Variants in FAF1 observed in about 807,000 individuals in gnomAD.
The protein encoded by FAF1 is FAS-associated factor 1.
A neutral mutation model predicts 92.5 loss-of-function variants in FAF1; 25 were observed. That is an observed-to-expected ratio of 0.27 (90% CI 0.20 to 0.38). The LOEUF (loss-of-function observed/expected upper bound fraction) is 0.38, where lower values mean the gene tolerates loss of function less well. Among genes scored for constraint, FAF1 ranks in the 10% least tolerant of loss-of-function variants. FAF1 has a pLI of 1.00. For synonymous variants in FAF1, 234 were observed against 273.2 expected (o/e 0.86, Z 1.42); for missense variants, 636 against 793.3 (o/e 0.80, Z 2.38).
intron 1 of FAF1, among the ~76,000 whole-genome samples, chr1:50,884,032 G>T (rs1644636529): frequency 6.6e-6 from 1 of 152,178 alleles, no homozygotes; most frequent in African/African-American, 2.4e-5. Context: ...GGCTGAGGCA[G>T]GAGAATCGCT....
chr1:50,814,740 C>T (rs1643951199), intron 2 of FAF1, among the ~76,000 whole-genome samples: 2 of 152,110 alleles, frequency 1.3e-5, no homozygotes, highest in South Asian at 4.1e-4. Flanking sequence ...TGGAAAGATG[C>T]CCAACATCAC....
At chr1:50,504,601 G>A (rs1380385399) in intron 15 of FAF1, among the ~76,000 whole-genome samples, 3 of 152,124 alleles carry the variant, frequency 2.0e-5, no homozygotes, top group Non-Finnish European at 4.4e-5. Context: ...GAATTTTCTA[G>A]TATAGATGAA....
At chr1:50,702,525 T>C (rs1389293617) in intron 7 of FAF1, among the ~76,000 whole-genome samples, 3 of 152,110 alleles carry the variant, frequency 2.0e-5, no homozygotes, top group African/African-American at 7.2e-5. Context: ...GAAAAGATTT[T>C]TCGTCTTTAA....
chr1:50,505,595 G>T (rs1023125675), intron 15 of FAF1, among the ~76,000 whole-genome samples: 1 of 152,176 alleles, frequency 6.6e-6, no homozygotes, highest in African/African-American at 2.4e-5. Flanking sequence ...ACTATGTATG[G>T]TCTTTGGGCC....
chr1:50,578,777 G>A (rs908599658), intron 12 of FAF1, among the ~76,000 whole-genome samples: 1 of 150,312 alleles, frequency 6.7e-6, no homozygotes, highest in Non-Finnish European at 1.5e-5. Flanking sequence ...ATTACTATAC[G>A]TACACAGTTA....
chr1:50,492,254 G>A (rs1465597668), intron 15 of FAF1, among the ~76,000 whole-genome samples: 1 of 152,040 alleles, frequency 6.6e-6, no homozygotes. Flanking sequence ...GGACTGGGAG[G>A]GAGAACAAAG....
intron 12 of FAF1, among the ~76,000 whole-genome samples, chr1:50,573,552 A>C (rs1207482386): frequency 1.3e-5 from 2 of 152,218 alleles, no homozygotes; most frequent in African/African-American, 2.4e-5. Context: ...AAAACACCAG[A>C]GTGCAGGTTG....
intron 18 of FAF1, among the ~76,000 whole-genome samples, chr1:50,470,250 C>G (rs1646554480): frequency 1.3e-5 from 2 of 152,148 alleles, no homozygotes; most frequent in Admixed American, 1.3e-4. Context: ...TTCTATGACT[C>G]TAATTTTAAA....
At chr1:50,485,667 CAAAAAAAAAAAAA>C (rs999538430) in intron 17 of FAF1, among the ~76,000 whole-genome samples, 14 of 13,716 alleles carry the variant, frequency 1.0e-3, no homozygotes, top group African/African-American at 2.4e-3. Flanking sequence ...GAGACTGTCT[CAAAAAAAAAAAAA>C]AAAAAAAAAA....
In FAF1 at chr1:50,851,081, A is replaced by ATT. The variant is rs57980948; in HGVS notation, c.114+6846_114+6847dup. The stretch of plus-strand genomic sequence containing the variant: ...CAATCCTAAAAATGGAGCAATTTAC[A>ATT]TTTTTTTTTTTTTTTTTTTGAGACA... On this transcript the variant is annotated intron_variant, in intron 2 of 18. Transcript: ENST00000396153. Among the ~76,000 whole-genome samples the ATT allele has an allele frequency of 8.3e-4, 112 of 135,450 alleles. 2 individuals are homozygous for ATT. The highest frequency in any genetic ancestry group is 3.9e-3 in the Middle Eastern group (1 of 258). The allele number at this position is 135,450 out of a possible 152,430, so 88.9% of individuals were successfully genotyped here. A position where few individuals can be genotyped will look rare whatever the true frequency, so the allele number is the denominator to read the frequency against.
At chr1:50,632,437 A>G (rs532789467) in intron 8 of FAF1, among the ~76,000 whole-genome samples, 1 of 152,284 alleles carries the variant, frequency 6.6e-6, no homozygotes, top group Admixed American at 6.5e-5. Flanking sequence ...TGCAATCCAT[A>G]TGCTTGTTCA....
chr1:50,504,414 A>G (rs1280112922), intron 15 of FAF1, among the ~76,000 whole-genome samples: 1 of 152,146 alleles, frequency 6.6e-6, no homozygotes, highest in Non-Finnish European at 1.5e-5. Flanking sequence ...AGAATTAATG[A>G]AATGTGAGTA....
intron 6 of FAF1, among the ~76,000 whole-genome samples, chr1:50,710,978 C>T (rs1307597445): frequency 3.4e-5 from 5 of 149,242 alleles, no homozygotes; most frequent in East Asian, 2.0e-4. Flanking sequence ...GGCGCAATCT[C>T]GGCTCATTGC....
intron 8 of FAF1, among the ~76,000 whole-genome samples, chr1:50,645,211 T>C (rs376240062): frequency 1.3e-5 from 2 of 152,310 alleles, no homozygotes; most frequent in East Asian, 3.9e-4. Context: ...AGTGAAAATG[T>C]CCAAAGATTG....
At position 50,491,808 on chromosome 1, in the gene FAF1, GA is replaced by G; in HGVS notation, c.1495-8del. On this transcript the variant is annotated splice_polypyrimidine_tract_variant and splice_region_variant and intron_variant, in intron 15 of 18. Coordinates refer to ENST00000396153, the MANE Select transcript of FAF1 (RefSeq NM_007051.3). ...CTCTGGCTTCACGTTCATCCTTAAA[GA>G]AAAAGATTCAAATATTTTTTGACAT... The G allele has an allele frequency of 6.3e-7, 1 of 1,595,132 alleles. No individual in the cohort carries two copies. The highest frequency in any genetic ancestry group is 1.1e-5 in the South Asian group (1 of 86,984).
chr1:50,836,439 T>G (rs1339794204), intron 2 of FAF1, among the ~76,000 whole-genome samples: 1 of 152,166 alleles, frequency 6.6e-6, no homozygotes, highest in Non-Finnish European at 1.5e-5. Flanking sequence ...AATAATCTCT[T>G]ACAAATGGTA....
At chr1:50,838,804 T>C (rs1644232917) in intron 2 of FAF1, among the ~76,000 whole-genome samples, 1 of 152,106 alleles carries the variant, frequency 6.6e-6, no homozygotes, top group Middle Eastern at 3.2e-3. Flanking sequence ...TCAGATTTAG[T>C]AATAACTCTT....
At chr1:50,685,231 A>G (rs1656605001) in intron 7 of FAF1, among the ~76,000 whole-genome samples, 1 of 152,212 alleles carries the variant, frequency 6.6e-6, no homozygotes, top group African/African-American at 2.4e-5. Context: ...GTAAAATCTG[A>G]GGTACATGGA....
At chr1:50,723,027 A>G (rs1658479224) in intron 6 of FAF1, among the ~76,000 whole-genome samples, 1 of 152,172 alleles carries the variant, frequency 6.6e-6, no homozygotes, top group South Asian at 2.1e-4. Context: ...GACACCAAAG[A>G]CTGAAATAGT....
Sources: allele counts gnomAD v4.1 joint callset (sites outside exome capture counted in the v4.1 genomes callset), GRCh38; gene constraint gnomAD v4.1.1; transcripts MANE v1.5; gene names NCBI Gene and HGNC (gene_info 2026-07-23, HGNC 2026-07-21).